FRG1: variants seen among roughly 807,000 people sequenced by gnomAD.
FRG1 encodes protein FRG1.
Under a neutral mutation model 37.0 loss-of-function variants are expected in FRG1, and 19 were observed. That is an observed-to-expected ratio of 0.51 (90% CI 0.36 to 0.75). The LOEUF is 0.75. FRG1 is among the 30% of genes least tolerant of loss of function. The probability of loss-of-function intolerance (pLI) is 0.00; values close to 1 mark genes in which losing one functional copy is unlikely to be tolerated. For synonymous variants in FRG1, 73 were observed against 96.5 expected, an observed-to-expected ratio of 0.76 and a Z score of 1.43; for missense variants, 243 against 301.4, an observed-to-expected ratio of 0.81 and a Z score of 1.44.
intron 2 of FRG1, among the ~76,000 whole-genome samples, chr4:189,948,775 C>T (rs552446884): frequency 3.9e-5 from 6 of 152,126 alleles, no homozygotes; most frequent in African/African-American, 1.5e-4. Context: ...AGTGCACCCT[C>T]GACCTCGTAG....
chr4:189,962,108 G>A (rs1022608148), intron 8 of FRG1, among the ~76,000 whole-genome samples, 176 bp downstream of exon 8: 1 of 152,170 alleles, frequency 6.6e-6, no homozygotes, highest in Non-Finnish European at 1.5e-5. Context: ...AGACTGTCAT[G>A]AAAGAATATC....
chr4:189,956,635 A>G (rs1736994973), intron 5 of FRG1, among the ~76,000 whole-genome samples: 1 of 152,212 alleles, frequency 6.6e-6, no homozygotes, highest in Admixed American at 6.5e-5. Context: ...AATTAAATCC[A>G]TGTTATCAGC....
chr4:189,957,222 T>C (rs1341522566), intron 5 of FRG1, among the ~76,000 whole-genome samples, 176 bp from the exon 6 acceptor site: 1 of 152,238 alleles, frequency 6.6e-6, no homozygotes, highest in Non-Finnish European at 1.5e-5. Context: ...AATAGTAAAA[T>C]GATAGGTGAT....
At chr4:189,959,732 A>G (rs1389225980) in intron 6 of FRG1, 2 of 213,674 alleles carry the variant, frequency 9.4e-6, no homozygotes. Context: ...TTCACTATTT[A>G]AAGCAATTTT....
chr4:189,956,266 G>T (rs199818167), intron 5 of FRG1, among the ~76,000 whole-genome samples: 2 of 151,746 alleles, frequency 1.3e-5, no homozygotes, highest in African/African-American at 4.8e-5. Context: ...TTGATTTCAT[G>T]ACCCGCTAAT....
At chr4:189,953,861 T>C (rs1259609409) in intron 4 of FRG1, among the ~76,000 whole-genome samples, 2 of 151,938 alleles carry the variant, frequency 1.3e-5, no homozygotes, top group Non-Finnish European at 2.9e-5. Flanking sequence ...GAAGAAAAAA[T>C]TCAATAGTTT....
chr4:189,941,928 G>A (rs79854634), intron 1 of FRG1: 1 of 420,322 alleles, frequency 2.4e-6, no homozygotes, highest in South Asian at 1.7e-5. Flanking sequence ...AAAGTATCAA[G>A]GAGTGAGTTG....
chr4:189,951,805 C>T (rs774386064), intron 2 of FRG1, among the ~76,000 whole-genome samples: 20 of 152,244 alleles, frequency 1.3e-4, no homozygotes, highest in Admixed American at 9.8e-4. Flanking sequence ...GCTGAGATTA[C>T]AGGCATGCAC....
At chr4:189,950,349 A>G (rs937795923) in intron 2 of FRG1, among the ~76,000 whole-genome samples, 26 of 152,226 alleles carry the variant, frequency 1.7e-4, no homozygotes, top group African/African-American at 4.6e-4. Context: ...GCGGTTCTTG[A>G]TGCACAAAAG....
chr4:189,942,201 CAAATCACTCTTGGTTTTTTATTTTTTT>C (rs1736340226), intron 1 of FRG1, among the ~76,000 whole-genome samples: 1 of 152,126 alleles, frequency 6.6e-6, no homozygotes, highest in Admixed American at 6.5e-5. Context: ...AACTTTTTTT[CAAATCACTCTTGGTTTTTTATTTTTTT>C]ATTGAGATAT....
intron 4 of FRG1, among the ~76,000 whole-genome samples, chr4:189,954,367 A>G (rs1736888724): frequency 6.6e-6 from 1 of 150,950 alleles, no homozygotes; most frequent in Non-Finnish European, 1.5e-5. Context: ...AGTTTTATGT[A>G]CAGAATAGAT....
intron 2 of FRG1, among the ~76,000 whole-genome samples, chr4:189,943,663 A>G (rs1269959574): frequency 6.6e-6 from 1 of 152,218 alleles, no homozygotes; most frequent in Admixed American, 6.5e-5. Flanking sequence ...CACAGGAAAA[A>G]TCATTATTTT....
rs373825764 is a variant in FRG1 at position 189,940,923 on chromosome 4, C to T, written c.-87C>T. 137 of 1,029,632 alleles carry T rather than the reference C, an allele frequency of 1.3e-4. No individual in the cohort carries two copies. In the East Asian group the frequency reaches 2.4e-3, roughly 18 times the overall value. The allele number at this position is 1,029,632 out of a possible 1,614,324, so 63.8% of individuals were successfully genotyped here. A position where few individuals can be genotyped will look rare whatever the true frequency, so the allele number is the denominator to read the frequency against. ...GGGAGTGTTTATTTCGCGTCCGCTT[C>T]TGTTTCTCCGCGCCCCTGTGCTGCC... On this transcript the variant is annotated 5_prime_UTR_variant, in exon 1 of 9. Coordinates refer to ENST00000226798, the MANE Select transcript of FRG1 (RefSeq NM_004477.3).
intron 2 of FRG1, among the ~76,000 whole-genome samples, chr4:189,947,014 G>A (rs1459533345): frequency 3.3e-5 from 5 of 152,106 alleles, no homozygotes; most frequent in Non-Finnish European, 5.9e-5. Context: ...CACCACACCC[G>A]GCTAATTTTT....
At chr4:189,956,369 C>T (rs1356663196) in intron 5 of FRG1, among the ~76,000 whole-genome samples, 1 of 151,982 alleles carries the variant, frequency 6.6e-6, no homozygotes, top group Non-Finnish European at 1.5e-5. Context: ...TATCATAAGG[C>T]CTTAGATGAT....
At chr4:189,943,151 A>G in intron 1 of FRG1, 51 bp from the exon 2 acceptor site, 1 of 1,485,764 alleles carries the variant, frequency 6.7e-7, no homozygotes, top group South Asian at 1.3e-5. Context: ...TACAATATTT[A>G]TCGTACAAAT....
chr4:189,959,631 A>G (rs1178031107), intron 6 of FRG1, among the ~76,000 whole-genome samples: 1 of 152,228 alleles, frequency 6.6e-6, no homozygotes, highest in East Asian at 1.9e-4. Context: ...TATCATCACA[A>G]AAGTGTTACT....
chr4:189,955,213 C>T (rs112421867), intron 5 of FRG1, 62 bp downstream of exon 5: 9 of 949,168 alleles, frequency 9.5e-6, no homozygotes, highest in African/African-American at 3.3e-5. Flanking sequence ...TGTTAACAGT[C>T]AATCATAATA....
intron 5 of FRG1, among the ~76,000 whole-genome samples, chr4:189,955,404 G>A (rs1467122105): frequency 6.6e-6 from 1 of 152,102 alleles, no homozygotes; most frequent in Non-Finnish European, 1.5e-5. Flanking sequence ...TTCCATTGAA[G>A]AACCAGTCAA....
Sources: allele counts gnomAD v4.1 joint callset (sites outside exome capture counted in the v4.1 genomes callset), GRCh38; gene constraint gnomAD v4.1.1; transcripts MANE v1.5; gene names NCBI Gene and HGNC (gene_info 2026-07-23, HGNC 2026-07-21).